M1AP: variants seen among roughly 807,000 people sequenced by gnomAD.
The protein encoded by M1AP is meiosis 1 associated protein.
Under a neutral mutation model 51.2 loss-of-function variants are expected in M1AP, and 39 were observed. The ratio of observed to expected loss-of-function variants is 0.76; its 90% CI spans 0.59 to 1.00. M1AP has a LOEUF of 1.00. M1AP is among the 50% of genes least tolerant of loss of function. The probability of loss-of-function intolerance (pLI) is 0.00; values close to 1 mark genes in which losing one functional copy is unlikely to be tolerated. For missense variants in M1AP, 545 were observed against 641.2 expected (o/e 0.85, Z 1.62); for synonymous variants, 251 against 249.2 (o/e 1.01, Z -0.07).
rs1558643494 is a variant in M1AP, at chr2:74,561,076, GAGGAGGAGGAGGAGA to G, written c.1282-800_1282-786del. Among the ~76,000 whole-genome samples the G allele has an allele frequency of 6.0e-3, 482 of 80,962 alleles. 32 individuals are homozygous for G. The highest frequency in any genetic ancestry group is 0.023 in the African/African-American group (426 of 18,404). 53.1% of individuals were successfully genotyped at this position (80,962 alleles called of 152,430 possible). On this transcript the variant is annotated intron_variant, in intron 8 of 10. Transcript: ENST00000421985. ...TGGAGGAGGAGGGGAGGAGGAGGAG[GAGGAGGAGGAGGAGA>G]AGGAGAAGGAGGAGGAGGAGAAGGA... is the stretch of plus-strand genomic sequence containing the variant.
In M1AP at chr2:74,640,187, G is replaced by A. The variant is rs1348495340; in HGVS notation, c.89C>T (p.Ala30Val). 1.2e-6 allele frequency: 2 copies of A among 1,614,140 alleles called. No homozygotes were observed. The highest frequency in any genetic ancestry group is 2.2e-5 in the East Asian group (1 of 44,878). ...QPPRLLIVHI[A>V]LPSWADICTN... ...GCAGATGTCAGCCCAGGACGGTAGA[G>A]CAATGTGCACAATGAGAAGCCGTGG... Residue 30 changes from alanine (A) to valine (V), a missense_variant, in exon 2 of 11, where the codon GCT (alanine) becomes GTT (valine). Physicochemically the swap from Ala to Val is moderately conservative, Grantham distance 64. Transcript: ENST00000421985.
chr2:74,562,563 G>T, intron 7 of M1AP, 140 bp from the exon 8 acceptor site: 1 of 774,260 alleles, frequency 1.3e-6, no homozygotes, highest in Non-Finnish European at 2.1e-6. Context: ...GGTAGGGAGG[G>T]ACTTCCTGCA....
At chr2:74,645,176 G>A (rs905718631) in intron 1 of M1AP, among the ~76,000 whole-genome samples, 19 of 152,116 alleles carry the variant, frequency 1.2e-4, no homozygotes, top group Non-Finnish European at 2.9e-5. Context: ...CGCCTTAAGA[G>A]CTGTAACACT....
At chr2:74,646,409 C>T (rs1683615723) in intron 1 of M1AP, among the ~76,000 whole-genome samples, 1 of 152,164 alleles carries the variant, frequency 6.6e-6, no homozygotes, top group East Asian at 1.9e-4. Context: ...TCTAGAGAAG[C>T]AGCCAGAGGA....
chr2:74,603,607 G>T (rs1052952989), intron 4 of M1AP, among the ~76,000 whole-genome samples: 1 of 152,202 alleles, frequency 6.6e-6, no homozygotes, highest in African/African-American at 2.4e-5. Context: ...GAGAGAAGAA[G>T]AGGGAATTTA....
chr2:74,618,928 C>T (rs1010056282), intron 2 of M1AP: 19 of 533,416 alleles, frequency 3.6e-5, no homozygotes, highest in African/African-American at 3.1e-4. Flanking sequence ...TGGGGAAAAG[C>T]GTCATTTCCT....
intron 1 of M1AP, among the ~76,000 whole-genome samples, chr2:74,641,060 A>ATAATTC (rs922120366): frequency 2.8e-4 from 42 of 152,336 alleles, no homozygotes; most frequent in Non-Finnish European, 5.4e-4. Flanking sequence ...TACCTAACGA[A>ATAATTC]TAATTCTTAA....
chr2:74,607,355 A>G, intron 3 of M1AP, 132 bp from the exon 4 acceptor site: 2 of 859,808 alleles, frequency 2.3e-6, no homozygotes, highest in Non-Finnish European at 3.6e-6. Context: ...TGCAAAAAGG[A>G]TTTGGCTGTA....
rs1191520438 is a variant in M1AP, at chr2:74,581,760, T to C, written c.683A>G (p.His228Arg). ...SMEIFFKAWLHNSGTDQEQIH... is the reference protein window; with the variant it reads ...SMEIFFKAWLRNSGTDQEQIH... The stretch of plus-strand genomic sequence containing the variant: ...TTGTTCTTGGTCTGTTCCACTGTTA[T>C]GTAGCCAGGCTTTGAAGAAAATCTC... The change falls in exon 5 of 11, where the codon CAT becomes CGT. Residue 228 changes from histidine to arginine, a missense_variant. Transcript: ENST00000421985. 2.5e-6 allele frequency: 4 copies of C among 1,613,990 alleles called. No homozygotes were observed. Among genetic ancestry groups the C allele is most frequent in the Admixed American group, 1.7e-5 (1 of 60,002 alleles).
intron 3 of M1AP, among the ~76,000 whole-genome samples, chr2:74,611,136 C>CT (rs1324120351): frequency 1.3e-5 from 2 of 152,086 alleles, no homozygotes; most frequent in Non-Finnish European, 2.9e-5. Flanking sequence ...CTATAGTTTT[C>CT]TTTTTTATTG....
intron 2 of M1AP, chr2:74,628,755 G>A: frequency 3.7e-6 from 2 of 536,216 alleles, no homozygotes; most frequent in South Asian, 1.5e-5. Flanking sequence ...CATCATACAG[G>A]CAATAAAGCT....
intron 2 of M1AP, among the ~76,000 whole-genome samples, chr2:74,633,934 T>C (rs1682834108): frequency 1.3e-5 from 2 of 152,300 alleles, no homozygotes; most frequent in Non-Finnish European, 1.5e-5. Flanking sequence ...GTGTGCCATC[T>C]ATCTGTTTCT....
At chr2:74,561,833 T>G in intron 8 of M1AP, 1 of 961,738 alleles carries the variant, frequency 1.0e-6, no homozygotes, top group Non-Finnish European at 1.2e-6. Context: ...TGGCCTGACA[T>G]CAGGTTTCCA....
intron 1 of M1AP, among the ~76,000 whole-genome samples, chr2:74,642,249 A>G (rs60810625): frequency 0.021 from 3,255 of 151,568 alleles, 108 homozygotes; most frequent in African/African-American, 0.075. Flanking sequence ...TAAATAAAAT[A>G]TAGAGAAATT....
At chr2:74,640,806 A>G (rs1683255609) in intron 1 of M1AP, among the ~76,000 whole-genome samples, 1 of 152,236 alleles carries the variant, frequency 6.6e-6, no homozygotes, top group African/African-American at 2.4e-5. Context: ...TTTGCCTATC[A>G]TGTAAGCCTG....
intron 4 of M1AP, among the ~76,000 whole-genome samples, chr2:74,587,963 T>A (rs363675): frequency 0.28 from 42,368 of 151,964 alleles, 9,182 homozygotes; most frequent in East Asian, 0.81. Flanking sequence ...GGTTATAAAA[T>A]TAAAGTGTGT....
intron 2 of M1AP, among the ~76,000 whole-genome samples, chr2:74,631,127 G>A (rs942812241): frequency 6.6e-6 from 1 of 152,158 alleles, no homozygotes; most frequent in African/African-American, 2.4e-5. Flanking sequence ...TTTGCTTTGT[G>A]ATCAAGTCTG....
At chr2:74,640,461 CTA>C in intron 1 of M1AP, 134 bp from the exon 2 acceptor site, 3 of 696,232 alleles carry the variant, frequency 4.3e-6, no homozygotes, top group Non-Finnish European at 6.8e-6. Context: ...CCAGGCCATC[CTA>C]TTTTTTTTTT....
intron 4 of M1AP, among the ~76,000 whole-genome samples, chr2:74,601,516 A>G (rs1680677384): frequency 6.6e-6 from 1 of 152,156 alleles, no homozygotes; most frequent in African/African-American, 2.4e-5. Context: ...AACTGTCTCT[A>G]TTATGCCTCT....
Sources: gnomAD v4.1 joint callset for allele counts (sites outside exome capture counted in the v4.1 genomes callset) on GRCh38, gnomAD v4.1.1 for gene constraint, MANE v1.5 for transcripts, NCBI Gene and HGNC (gene_info 2026-07-23, HGNC 2026-07-21) for gene names.